WSB2: variants seen among roughly 807,000 people sequenced by gnomAD.
WSB2 encodes the protein WD repeat and SOCS box containing 2, also known as WD repeat and SOCS box-containing protein 2.
WSB2 carries 12 observed loss-of-function variants against 48.8 expected under a neutral mutation model. That is an observed-to-expected ratio of 0.25 (90% CI 0.16 to 0.40). The LOEUF is 0.40. Ranked by LOEUF, WSB2 falls within the 10% of genes least tolerant of loss-of-function variation. WSB2 has a pLI of 1.00. For missense variants in WSB2, 317 were observed against 506.2 expected (o/e 0.63, Z 3.59); for synonymous variants, 191 against 203.1 (o/e 0.94, Z 0.51).
upstream of WSB2, chr12:118,062,158 C>T (rs1460041361): frequency 6.5e-7 from 1 of 1,535,324 alleles, no homozygotes; most frequent in African/African-American, 1.4e-5. Flanking sequence ...CCTGTCTACC[C>T]GCATAGCCTC....
chr12:118,034,772 G>A, intron 8 of WSB2: 2 of 570,202 alleles, frequency 3.5e-6, no homozygotes, highest in Non-Finnish European at 6.1e-6. Context: ...TAGGTGGCAT[G>A]ACTTACAGAT....
In WSB2 at chr12:118,036,176, T is replaced by C. The variant is rs541401813; in HGVS notation, c.833+162A>G. On this transcript the variant is annotated intron_variant, in intron 6 of 8. Transcript: ENST00000315436. The stretch of plus-strand genomic sequence containing the variant: ...AAGATTGCGCCACTGCACTCCAGCC[T>C]GGGTGACAGAGCGAGACTCCGTCTC... The C allele has an allele frequency of 4.0e-5, 34 of 858,958 alleles. No homozygotes were observed. The South Asian group carries it at 5.5e-4, about 14-fold the overall frequency. The allele number at this position is 858,958 out of a possible 1,614,324, so 53.2% of individuals were successfully genotyped here.
At chr12:118,042,082 T>C (rs1282713525) in intron 4 of WSB2, among the ~76,000 whole-genome samples, 2 of 152,190 alleles carry the variant, frequency 1.3e-5, no homozygotes, top group Non-Finnish European at 2.9e-5. Flanking sequence ...TAGTTAAGGA[T>C]CAATCCAGAA....
chr12:118,037,786 G>A (rs1246322509), intron 5 of WSB2: 2 of 152,768 alleles, frequency 1.3e-5, no homozygotes, highest in African/African-American at 4.8e-5. Flanking sequence ...GTCACAGCAA[G>A]TGACTCAACG....
Position 118,035,341 on chromosome 12 carries a change from CAG to C in WSB2, c.834-19_834-18del. 6.2e-7 allele frequency: 1 copy of C among 1,610,760 alleles called. No individual in the cohort carries two copies. Among genetic ancestry groups the C allele is most frequent in the Non-Finnish European group, 8.5e-7 (1 of 1,177,628 alleles). ...TGGGTGTGGCTGGGAAGGAAAGAAACAGGATGGCAGGCCTGGAGTGATGGCTG... is the reference window on the plus strand; with the variant it reads ...TGGGTGTGGCTGGGAAGGAAAGAAACGATGGCAGGCCTGGAGTGATGGCTG... On this transcript the variant is annotated intron_variant, in intron 6 of 8. Transcript: ENST00000315436.
chr12:118,035,914 C>A (rs746175108), intron 6 of WSB2: 1 of 164,530 alleles, frequency 6.1e-6, no homozygotes, highest in African/African-American at 2.4e-5. Context: ...CACTAAGAAG[C>A]AATGAACCAG....
At chr12:118,055,024 A>G (rs964679535) in intron 1 of WSB2, among the ~76,000 whole-genome samples, 2 of 151,156 alleles carry the variant, frequency 1.3e-5, no homozygotes, top group Non-Finnish European at 2.9e-5. Flanking sequence ...TTAAAAAAAA[A>G]AAAAAAGAAA....
intron 2 of WSB2, among the ~76,000 whole-genome samples, chr12:118,049,189 C>T (rs2031802140): frequency 2.6e-5 from 4 of 152,124 alleles, no homozygotes. Context: ...AATGTATGAC[C>T]TTGGCATTAT....
chr12:118,047,326 C>T (rs768788822), intron 2 of WSB2, among the ~76,000 whole-genome samples: 3 of 152,020 alleles, frequency 2.0e-5, no homozygotes, highest in Non-Finnish European at 2.9e-5. Flanking sequence ...GGATGAGTTA[C>T]GTGAAAAGCA....
At position 118,047,486 on chromosome 12, in the gene WSB2, C is replaced by T. The variant is rs1451391860; in HGVS notation, c.183-4109G>A. Among the ~76,000 whole-genome samples the T allele has an allele frequency of 6.6e-5, 10 of 152,342 alleles. No individual in the cohort carries two copies. The South Asian group carries it at 1.9e-3, about 28-fold the overall frequency. ...TCAATTATTTGCTCAATATCAAAAG[C>T]ACTACATGATTTTTAAAAAATGTAT... On this transcript the variant is annotated intron_variant, in intron 2 of 8. Coordinates refer to ENST00000315436, the MANE Select transcript of WSB2 (RefSeq NM_018639.5).
At chr12:118,034,583 G>GCTCTC in intron 8 of WSB2, 1 of 537,440 alleles carries the variant, frequency 1.9e-6, no homozygotes, top group Non-Finnish European at 3.2e-6. Flanking sequence ...CGCTCTCTCT[G>GCTCTC]TCTCTCTCTC....
intron 4 of WSB2, among the ~76,000 whole-genome samples, chr12:118,041,658 C>T (rs534445136): frequency 2.6e-5 from 4 of 152,078 alleles, no homozygotes; most frequent in African/African-American, 9.6e-5. Context: ...TTTACCACTG[C>T]CTCCTTCCAA....
At chr12:118,052,575 A>T in intron 1 of WSB2, 97 bp from the exon 2 acceptor site, 1 of 1,553,740 alleles carries the variant, frequency 6.4e-7, no homozygotes, top group South Asian at 1.2e-5. Context: ...AAAGAGCCAC[A>T]CTATCCATTC....
At chr12:118,056,935 C>G (rs565692742) in intron 1 of WSB2, among the ~76,000 whole-genome samples, 1 of 152,248 alleles carries the variant, frequency 6.6e-6, no homozygotes, top group South Asian at 2.1e-4. Flanking sequence ...CCCTTAAACT[C>G]TGATGATGCT....
intron 4 of WSB2, 193 bp downstream of exon 4, chr12:118,042,648 C>T: frequency 2.7e-6 from 2 of 751,836 alleles, no homozygotes; most frequent in Non-Finnish European, 4.2e-6. Context: ...CGGTATTAAA[C>T]TCTATTTGGT....
chr12:118,054,217 C>CAAAAAAAAAA (rs61421772), intron 1 of WSB2, among the ~76,000 whole-genome samples: 72 of 55,886 alleles, frequency 1.3e-3, no homozygotes, highest in Non-Finnish European at 1.5e-3. Flanking sequence ...ACTAAAAATC[C>CAAAAAAAAAA]AAAAAAAAAA....
intron 4 of WSB2, among the ~76,000 whole-genome samples, chr12:118,042,276 G>T (rs1409240046): frequency 6.6e-6 from 1 of 152,174 alleles, no homozygotes; most frequent in Non-Finnish European, 1.5e-5. Context: ...TCTCAACCTG[G>T]GGAGACCTTG....
chr12:118,062,111 C>G (rs1015871855), upstream of WSB2: 70 of 1,535,194 alleles, frequency 4.6e-5, no homozygotes, highest in Non-Finnish European at 6.0e-5. Flanking sequence ...ACGGCGACAG[C>G]CTCGCCTGTC....
chr12:118,055,562 C>T (rs2031940637), intron 1 of WSB2, among the ~76,000 whole-genome samples: 1 of 148,674 alleles, frequency 6.7e-6, no homozygotes, highest in Non-Finnish European at 1.5e-5. Flanking sequence ...TTTTTTTTTT[C>T]CATCCTGATA....
Sources: allele counts gnomAD v4.1 joint callset (sites outside exome capture counted in the v4.1 genomes callset), GRCh38; gene constraint gnomAD v4.1.1; transcripts MANE v1.5; gene names NCBI Gene and HGNC (gene_info 2026-07-23, HGNC 2026-07-21).